SFSWAP: variants seen among roughly 807,000 people sequenced by gnomAD.
SFSWAP encodes the protein splicing factor SWAP, also known as splicing factor, suppressor of white-apricot homolog.
SFSWAP carries 17 observed loss-of-function variants against 100.7 expected under a neutral mutation model. The ratio of observed to expected loss-of-function variants is 0.17; its 90% confidence interval spans 0.12 to 0.25. The LOEUF (loss-of-function observed/expected upper bound fraction) is 0.25, where lower values mean the gene tolerates loss of function less well. SFSWAP is among the 10% of genes least tolerant of loss of function. The probability of loss-of-function intolerance (pLI) is 1.00; values close to 1 mark genes in which losing one functional copy is unlikely to be tolerated. For missense variants in SFSWAP, 1,005 were observed against 1,262.6 expected (o/e 0.80, Z 3.09); for synonymous variants, 504 against 510.1 (o/e 0.99, Z 0.16).
rs778452411 is a variant in SFSWAP at position 131,778,371 on chromosome 12, C to A, written c.2408+41C>A. 2 of 1,588,336 alleles carry A rather than the reference C, an allele frequency of 1.3e-6. No individual in the cohort carries two copies. The highest frequency in any genetic ancestry group is 1.1e-5 in the South Asian group (1 of 88,730). On this transcript the variant is annotated intron_variant, in intron 14 of 17. Transcript: ENST00000261674. This position sits in a 1 kb window ranked among gnomAD's most constrained non-coding sequence, Gnocchi z 4.2. ...GCAGCACCTCTGGTACCCTCATGAC[C>A]CCCATGTCCTTCACAGGACACCCAG...
intron 13 of SFSWAP, among the ~76,000 whole-genome samples, chr12:131,777,519 G>A (rs572667049): frequency 7.8e-4 from 118 of 152,218 alleles, no homozygotes; most frequent in Non-Finnish European, 9.3e-4. Flanking sequence ...TATATGTGCC[G>A]CATTTTCTTA....
At chr12:131,731,084 G>A (rs1184423385) in intron 7 of SFSWAP, among the ~76,000 whole-genome samples, 15 of 152,206 alleles carry the variant, frequency 9.9e-5, no homozygotes, top group Non-Finnish European at 4.4e-5. Flanking sequence ...AGGGTCAGAA[G>A]GTGGGGGAGG....
intron 7 of SFSWAP, among the ~76,000 whole-genome samples, chr12:131,736,235 A>C (rs1408841638): frequency 6.6e-6 from 1 of 152,250 alleles, no homozygotes; most frequent in Admixed American, 6.5e-5. Context: ...TCTAAGACAC[A>C]AAGAGCTATT....
intron 7 of SFSWAP, among the ~76,000 whole-genome samples, chr12:131,748,561 G>C (rs1315270558): frequency 2.0e-5 from 3 of 152,210 alleles, no homozygotes; most frequent in Admixed American, 2.0e-4. Flanking sequence ...TCTCAGCACA[G>C]GAGTTCTGTT....
At chr12:131,796,962 A>G (rs4964910) in intron 15 of SFSWAP, 485,723 of 486,788 alleles carry the variant, frequency 1, 242,336 homozygotes, top group East Asian at 1. Context: ...AATACCACAA[A>G]TATTTTACTT....
intron 15 of SFSWAP, among the ~76,000 whole-genome samples, chr12:131,787,714 A>G (rs1046853294): frequency 6.6e-6 from 1 of 152,156 alleles, no homozygotes; most frequent in East Asian, 1.9e-4. Flanking sequence ...TGCTCCTGGG[A>G]CGGATGGTCC....
At chr12:131,767,611 C>G (rs1883220834) in intron 13 of SFSWAP, among the ~76,000 whole-genome samples, 1 of 152,172 alleles carries the variant, frequency 6.6e-6, no homozygotes, top group South Asian at 2.1e-4. Context: ...GGGTTTACAT[C>G]TACAATTAGA....
At chr12:131,744,796 A>G (rs1278573739) in intron 7 of SFSWAP, among the ~76,000 whole-genome samples, 5 of 152,348 alleles carry the variant, frequency 3.3e-5, no homozygotes, top group African/African-American at 4.8e-5. Flanking sequence ...TAATGGACTT[A>G]ACAGTTCCAC....
chr12:131,728,988 C>T (rs1227970489), intron 7 of SFSWAP, among the ~76,000 whole-genome samples: 5 of 151,992 alleles, frequency 3.3e-5, no homozygotes, highest in African/African-American at 4.8e-5. Context: ...AGCCACTGCT[C>T]CTGGCCCTGG....
chr12:131,726,725 C>T (rs1879014791), intron 5 of SFSWAP, among the ~76,000 whole-genome samples: 2 of 152,186 alleles, frequency 1.3e-5, no homozygotes, highest in Admixed American at 6.5e-5. Context: ...AGCTGGTGCT[C>T]GATGCTGGCA....
At chr12:131,715,664 A>G (rs1204753954) in intron 3 of SFSWAP, among the ~76,000 whole-genome samples, 1 of 152,244 alleles carries the variant, frequency 6.6e-6, no homozygotes, top group Non-Finnish European at 1.5e-5. Context: ...TGCTAACATG[A>G]ACCTGACACC....
chr12:131,781,234 A>ATTTTT (rs66608201), intron 14 of SFSWAP, among the ~76,000 whole-genome samples: 14 of 102,290 alleles, frequency 1.4e-4, no homozygotes, highest in African/African-American at 4.5e-4. Flanking sequence ...ATATCTTATT[A>ATTTTT]TTTTTTTTTT....
intron 17 of SFSWAP, 113 bp downstream of exon 17, chr12:131,799,222 C>A: frequency 1.9e-6 from 2 of 1,067,296 alleles, no homozygotes; most frequent in South Asian, 1.3e-5. Flanking sequence ...GGACAGGGAT[C>A]TCGGGCAAAA....
chr12:131,763,419 C>T (rs1432849514), intron 11 of SFSWAP, among the ~76,000 whole-genome samples: 1 of 152,124 alleles, frequency 6.6e-6, no homozygotes, highest in East Asian at 1.9e-4. Context: ...CTTATTGCAA[C>T]CAGTTAGCTC....
intron 17 of SFSWAP, 132 bp downstream of exon 17, chr12:131,799,241 G>C (rs1885897041): frequency 9.9e-7 from 1 of 1,011,798 alleles, no homozygotes; most frequent in Non-Finnish European, 1.5e-6. Context: ...AATACCACAG[G>C]CTCTGGGTGA....
chr12:131,753,537 T>A, intron 8 of SFSWAP, 174 bp downstream of exon 8: 1 of 896,862 alleles, frequency 1.1e-6, no homozygotes, highest in Non-Finnish European at 1.6e-6. Context: ...AAAACAGAAA[T>A]GGTTGTAGCA....
chr12:131,772,932 A>G (rs900525891), intron 13 of SFSWAP, among the ~76,000 whole-genome samples: 5 of 152,100 alleles, frequency 3.3e-5, no homozygotes, highest in African/African-American at 1.2e-4. Flanking sequence ...GCAGGAAGAT[A>G]ATTTTCCCCT....
At chr12:131,770,153 A>T (rs1464626588) in intron 13 of SFSWAP, among the ~76,000 whole-genome samples, 1 of 152,248 alleles carries the variant, frequency 6.6e-6, no homozygotes. Flanking sequence ...AACTTCTGGG[A>T]CAGGTTACCC....
At chr12:131,748,055 G>A (rs1881300458) in intron 7 of SFSWAP, among the ~76,000 whole-genome samples, 1 of 152,204 alleles carries the variant, frequency 6.6e-6, no homozygotes, top group African/African-American at 2.4e-5. Flanking sequence ...GGAGAGCCGG[G>A]AGACAGGAAG....
Sources: gnomAD v4.1 joint callset for allele counts (sites outside exome capture counted in the v4.1 genomes callset) on GRCh38, gnomAD v4.1.1 for gene constraint, Gnocchi (gnomAD v3.1) non-coding constraint, MANE v1.5 for transcripts, NCBI Gene and HGNC (gene_info 2026-07-23, HGNC 2026-07-21) for gene names.